The following ATP9B variants were observed in gnomAD, a reference collection of about 807,000 sequenced individuals.
ATP9B encodes the protein probable phospholipid-transporting ATPase IIB.
A neutral mutation model predicts 146.1 loss-of-function variants in ATP9B; 110 were observed. The ratio of observed to expected loss-of-function variants is 0.75; its 90% CI spans 0.65 to 0.88. The LOEUF (loss-of-function observed/expected upper bound fraction) is 0.88, where lower values mean the gene tolerates loss of function less well. ATP9B is among the 40% of genes least tolerant of loss of function. The probability of loss-of-function intolerance (pLI) is 0.00; values close to 1 mark genes in which losing one functional copy is unlikely to be tolerated. For synonymous variants in ATP9B, 604 were observed against 569.7 expected (o/e 1.06, Z -0.86); for missense variants, 1,499 against 1,496.4 (o/e 1.00, Z -0.03).
intron 12 of ATP9B, among the ~76,000 whole-genome samples, chr18:79,264,337 T>C (rs2096178553): frequency 6.6e-6 from 1 of 152,220 alleles, no homozygotes. Context: ...ATTAGCTATT[T>C]AGATTTTCTC....
At position 79,344,321 on chromosome 18, in the gene ATP9B, T is replaced by C. The variant is rs762417723; in HGVS notation, c.2439T>C (p.Asp813=). 6.2e-7 allele frequency: 1 copy of C among 1,614,218 alleles called. No homozygotes were observed. Among genetic ancestry groups the C allele is most frequent in the South Asian group, 1.1e-5 (1 of 91,078 alleles). The change falls in exon 21 of 30, where the codon GAT becomes GAC. Residue 813 remains aspartate (D), a synonymous_variant. Transcript: ENST00000426216. The part of the protein sequence containing the change: ...LELNAFRRKH[D]CALVISGDSL... ...TGAATGCATTTCGAAGGAAGCATGA[T>C]TGTGCACTAGTCATATCTGGGGACT...
Position 79,189,063 on chromosome 18 carries a change from T to G in ATP9B, c.874-4120T>G, listed in dbSNP as rs528628952. Among the ~76,000 whole-genome samples, 4 of 152,254 alleles carry G rather than the reference T, an allele frequency of 2.6e-5. No individual in the cohort carries two copies. The East Asian group carries it at 7.7e-4, about 29-fold the overall frequency. Reference sequence around the variant, plus strand: ...CACATAAAATACAAGAATTTTGTCCTTGAGGCCAGGCACGGTGGATCACGC... The same window carrying G: ...CACATAAAATACAAGAATTTTGTCCGTGAGGCCAGGCACGGTGGATCACGC... On this transcript the variant is annotated intron_variant, in intron 8 of 29. Coordinates refer to ENST00000426216, the MANE Select transcript of ATP9B (RefSeq NM_198531.5).
intron 11 of ATP9B, among the ~76,000 whole-genome samples, chr18:79,231,803 T>TATATATATATATATATAC (rs569726473): frequency 8.7e-6 from 1 of 114,760 alleles, no homozygotes; most frequent in Non-Finnish European, 1.7e-5. Flanking sequence ...TATATATATA[T>TATATATATATATATATAC]ACACACACAC....
chr18:79,277,673 A>T (rs1283925750), intron 13 of ATP9B, among the ~76,000 whole-genome samples: 2 of 152,220 alleles, frequency 1.3e-5, no homozygotes, highest in Non-Finnish European at 2.9e-5. Context: ...CTCTAGGACC[A>T]AAATTCTGTT....
chr18:79,174,665 A>G (rs148956255), intron 7 of ATP9B, among the ~76,000 whole-genome samples: 94 of 152,344 alleles, frequency 6.2e-4, no homozygotes, highest in African/African-American at 1.3e-3. Context: ...TGCATACACA[A>G]AACAACCATG....
chr18:79,200,856 A>G (rs1292488430), intron 9 of ATP9B, among the ~76,000 whole-genome samples: 1 of 44,676 alleles, frequency 2.2e-5, no homozygotes, highest in African/African-American at 8.5e-5. Context: ...CTCAGTTGCC[A>G]TTGAGGTTCT....
intron 11 of ATP9B, among the ~76,000 whole-genome samples, chr18:79,225,686 G>C (rs62101137): frequency 7.7e-5 from 10 of 129,198 alleles, no homozygotes; most frequent in South Asian, 5.0e-4. Context: ...CTGAGTGACT[G>C]TTGGGTCCCG....
At chr18:79,356,533 ATAG>A (rs1289766906) in intron 25 of ATP9B, among the ~76,000 whole-genome samples, 13 of 152,242 alleles carry the variant, frequency 8.5e-5, no homozygotes, top group African/African-American at 2.9e-4. Context: ...CTGCCACAAA[ATAG>A]TAGTCAGCAA....
chr18:79,263,227 T>C (rs1444288953), intron 12 of ATP9B, among the ~76,000 whole-genome samples: 1 of 152,178 alleles, frequency 6.6e-6, no homozygotes, highest in Non-Finnish European at 1.5e-5. Flanking sequence ...TATGCAGTCA[T>C]CTCTTGGTTC....
intron 13 of ATP9B, among the ~76,000 whole-genome samples, chr18:79,291,378 C>T (rs139176606): frequency 6.6e-6 from 1 of 152,230 alleles, no homozygotes; most frequent in Admixed American, 6.5e-5. Flanking sequence ...TAGAAATCAT[C>T]AGTGTTTGAA....
chr18:79,200,763 G>GTCGGGGTCAGAGCAGAGGTGGAGGTGGGA (rs2095474834), intron 9 of ATP9B, among the ~76,000 whole-genome samples: 1 of 574 alleles, frequency 1.7e-3, no homozygotes, highest in African/African-American at 3.2e-3. Context: ...AGGTGGGAAC[G>GTCGGGGTCAGAGCAGAGGTGGAGGTGGGA]TTGGGGTCAG....
intron 7 of ATP9B, among the ~76,000 whole-genome samples, chr18:79,173,380 G>A (rs748796232): frequency 6.8e-6 from 1 of 147,586 alleles, no homozygotes; most frequent in African/African-American, 2.5e-5. Context: ...TTGATGTCCT[G>A]TTTAGGAACT....
At chr18:79,081,213 C>A (rs930560504) in intron 1 of ATP9B, among the ~76,000 whole-genome samples, 6 of 152,130 alleles carry the variant, frequency 3.9e-5, no homozygotes, top group African/African-American at 1.4e-4. Context: ...CCTCTTTGTA[C>A]TTCTGGTAGA....
At chr18:79,256,318 C>T (rs77035817) in intron 12 of ATP9B, among the ~76,000 whole-genome samples, 4,407 of 133,250 alleles carry the variant, frequency 0.033, 111 homozygotes, top group Non-Finnish European at 0.043. Flanking sequence ...TATTAGTTGC[C>T]TATAGGTTTA....
At chr18:79,306,728 A>G (rs1226255233) in intron 14 of ATP9B, among the ~76,000 whole-genome samples, 1 of 152,212 alleles carries the variant, frequency 6.6e-6, no homozygotes, top group East Asian at 1.9e-4. Flanking sequence ...ATACAGTAAA[A>G]ATAAATTGTC....
chr18:79,207,479 A>T (rs1410435168), intron 10 of ATP9B, among the ~76,000 whole-genome samples: 1 of 152,218 alleles, frequency 6.6e-6, no homozygotes, highest in Non-Finnish European at 1.5e-5. Context: ...ACGATGTCAG[A>T]TGATTACCAT....
At chr18:79,200,931 C>A (rs534597997) in intron 9 of ATP9B, among the ~76,000 whole-genome samples, 2 of 152,138 alleles carry the variant, frequency 1.3e-5, no homozygotes. Context: ...TGCTTTAGGA[C>A]GGTCGGTTGG....
intron 26 of ATP9B, among the ~76,000 whole-genome samples, chr18:79,372,091 G>A (rs1223596003): frequency 6.6e-6 from 1 of 152,200 alleles, no homozygotes; most frequent in East Asian, 1.9e-4. Flanking sequence ...AAGTCAGGGC[G>A]ATTGTTAATG....
At position 79,297,264 on chromosome 18, in the gene ATP9B, A is replaced by G. The variant is rs992027850; in HGVS notation, c.1412-6340A>G. Among the ~76,000 whole-genome samples the G allele has an allele frequency of 7.4e-5, 11 of 149,090 alleles. No individual in the cohort carries two copies. The East Asian group carries it at 2.2e-3, about 30-fold the overall frequency. ...AGGAGACGCAGACGACCCAGAGAGA[A>G]GACAGAGAGATGACCCAGAGAGGAG... On this transcript the variant is annotated intron_variant, in intron 13 of 29. Transcript: ENST00000426216.
Sources: gnomAD v4.1 joint callset for allele counts (sites outside exome capture counted in the v4.1 genomes callset) on GRCh38, gnomAD v4.1.1 for gene constraint, MANE v1.5 for transcripts, NCBI Gene and HGNC (gene_info 2026-07-23, HGNC 2026-07-21) for gene names.